The following WWP1 variants were observed in gnomAD, a reference collection of about 807,000 sequenced individuals.
WWP1 encodes the protein WW domain containing E3 ubiquitin protein ligase 1.
Under a neutral mutation model 130.6 loss-of-function variants are expected in WWP1, and 49 were observed. The ratio of observed to expected loss-of-function variants is 0.38; its 90% CI spans 0.30 to 0.48. The LOEUF (loss-of-function observed/expected upper bound fraction) is 0.48, where lower values mean the gene tolerates loss of function less well. Among genes scored for constraint, WWP1 ranks in the 20% least tolerant of loss-of-function variants. The probability of loss-of-function intolerance (pLI) is 0.99; values close to 1 mark genes in which losing one functional copy is unlikely to be tolerated. For missense variants in WWP1, 809 were observed against 1,100.6 expected (o/e 0.74, Z 3.75); for synonymous variants, 332 against 367.8 (o/e 0.90, Z 1.11).
intron 1 of WWP1, among the ~76,000 whole-genome samples, chr8:86,350,310 AT>A (rs1822839912): frequency 6.6e-6 from 1 of 152,174 alleles, no homozygotes. Context: ...AAGTAATGCC[AT>A]GGTTAAAGGT....
At chr8:86,356,631 T>A (rs1823275720) in intron 1 of WWP1, among the ~76,000 whole-genome samples, 1 of 152,072 alleles carries the variant, frequency 6.6e-6, no homozygotes, top group African/African-American at 2.4e-5. Context: ...GAAAGCCCTA[T>A]GTTTTTGTCT....
intron 8 of WWP1, among the ~76,000 whole-genome samples, chr8:86,407,360 G>A (rs1190299699): frequency 1.3e-5 from 2 of 152,102 alleles, no homozygotes; most frequent in Admixed American, 1.3e-4. Context: ...GGGCACATAG[G>A]TATCAGAGTT....
rs575507797 is a variant in WWP1, at chr8:86,388,922, T to C, written c.334+7293T>C. ...GCCAGTAGACTTCTCTTTTCTTATT[T>C]ATGACTTTTTGAAATAAAGATGACT... On this transcript the variant is annotated intron_variant, in intron 5 of 24. Transcript: ENST00000517970. Among the ~76,000 whole-genome samples the C allele has an allele frequency of 4.0e-4, 61 of 152,302 alleles. No individual in the cohort carries two copies. In the East Asian group the frequency reaches 9.5e-3, roughly 24 times the overall value.
At position 86,398,495 on chromosome 8, in the gene WWP1, A is replaced by T. The variant is rs1232860608; in HGVS notation, c.472+16A>T. ...TCTCCAACCAGTAAGCTAACTTTAT[A>T]TGTTTGTAAAATTTCAAGGAAAAAG... On this transcript the variant is annotated intron_variant, in intron 6 of 24. Coordinates refer to ENST00000517970, the MANE Select transcript of WWP1 (RefSeq NM_007013.4). 1.2e-6 allele frequency: 2 copies of T among 1,609,772 alleles called. No individual in the cohort carries two copies. Among genetic ancestry groups the T allele is most frequent in the African/African-American group, 1.3e-5 (1 of 74,586 alleles).
At chr8:86,349,434 G>A (rs893597423) in intron 1 of WWP1, among the ~76,000 whole-genome samples, 9 of 152,194 alleles carry the variant, frequency 5.9e-5, no homozygotes, top group African/African-American at 1.9e-4. Flanking sequence ...ACAAATGTGT[G>A]AATCCATTTG....
chr8:86,438,038 G>A (rs1810394680), intron 16 of WWP1, among the ~76,000 whole-genome samples: 2 of 152,158 alleles, frequency 1.3e-5, no homozygotes, highest in Non-Finnish European at 2.9e-5. Context: ...CTGACCTCGT[G>A]ATCCACCTGC....
chr8:86,376,188 G>T (rs1218322916), intron 3 of WWP1, among the ~76,000 whole-genome samples: 1 of 152,192 alleles, frequency 6.6e-6, no homozygotes, highest in Non-Finnish European at 1.5e-5. Context: ...TCAGTTTATT[G>T]TAACTTGCGT....
At chr8:86,343,176 G>A (rs1397769050) in intron 1 of WWP1, 2 of 202,446 alleles carry the variant, frequency 9.9e-6, no homozygotes, top group Non-Finnish European at 9.8e-6. Context: ...CTGTGCCAGT[G>A]ATCCTGGAGC....
At chr8:86,414,046 TG>T (rs2130580482) in intron 9 of WWP1, among the ~76,000 whole-genome samples, 1 of 152,340 alleles carries the variant, frequency 6.6e-6, no homozygotes, top group African/African-American at 2.4e-5. Flanking sequence ...TTATGATCTT[TG>T]TATTAGAATT....
intron 22 of WWP1, among the ~76,000 whole-genome samples, chr8:86,460,768 C>G (rs1417690475): frequency 6.9e-6 from 1 of 145,508 alleles, no homozygotes; most frequent in Non-Finnish European, 1.5e-5. Context: ...ATGACAAACC[C>G]TACAACCTCT....
chr8:86,448,329 T>C, intron 19 of WWP1, 44 bp from the exon 20 acceptor site: 1 of 1,586,418 alleles, frequency 6.3e-7, no homozygotes, highest in East Asian at 2.2e-5. Flanking sequence ...AAACCCATTT[T>C]GTTTCATTTT....
At position 86,361,995 on chromosome 8, in the gene WWP1, T is replaced by C. The variant is rs55760719; in HGVS notation, c.-114-6944T>C. Among the ~76,000 whole-genome samples, 655 of 129,422 alleles carry C rather than the reference T, an allele frequency of 5.1e-3. 3 individuals carry two copies. Among genetic ancestry groups the C allele is most frequent in the Admixed American group, 0.01 (129 of 12,730 alleles). The allele number at this position is 129,422 out of a possible 152,430, so 84.9% of individuals were successfully genotyped here. Reference sequence around the variant, plus strand: ...GTGTGTATATATATATATATATACATATATATACACACATATATATATACA... The same window carrying C: ...GTGTGTATATATATATATATATACACATATATACACACATATATATATACA... On this transcript the variant is annotated intron_variant, in intron 1 of 24. Transcript: ENST00000517970.
chr8:86,377,730 T>G (rs1436323185), intron 3 of WWP1, among the ~76,000 whole-genome samples: 2 of 152,150 alleles, frequency 1.3e-5, no homozygotes, highest in African/African-American at 4.8e-5. Flanking sequence ...ATATTTTAGA[T>G]TTTAGACTTT....
rs200611145 is a variant in WWP1, at chr8:86,427,392, TA to T, written c.1158-247del. The stretch of plus-strand genomic sequence containing the variant: ...TACACATGTATCCCAGAACTTAAAG[TA>T]AAATTAAAAAAAAAAGAAAATAAGC... On this transcript the variant is annotated intron_variant, in intron 10 of 24. Coordinates refer to ENST00000517970, the MANE Select transcript of WWP1 (RefSeq NM_007013.4). 3.1e-3 allele frequency among the ~76,000 whole-genome samples: 458 copies of T among 149,814 alleles called. 2 individuals are homozygous for T. The highest frequency in any genetic ancestry group is 0.011 in the African/African-American group (436 of 40,502).
At chr8:86,449,664 T>G (rs1811068034) in intron 20 of WWP1, among the ~76,000 whole-genome samples, 1 of 152,224 alleles carries the variant, frequency 6.6e-6, no homozygotes, top group Non-Finnish European at 1.5e-5. Context: ...AATCAAACTT[T>G]TCATTTTTCC....
intron 1 of WWP1, among the ~76,000 whole-genome samples, chr8:86,360,558 T>C (rs1382484870): frequency 1.3e-5 from 2 of 152,228 alleles, no homozygotes. Context: ...GCTTTCAGTT[T>C]ACTCTCAAGC....
At chr8:86,464,611 G>T (rs542366039) in intron 24 of WWP1, among the ~76,000 whole-genome samples, 1 of 152,068 alleles carries the variant, frequency 6.6e-6, no homozygotes, top group African/African-American at 2.4e-5. Context: ...AACCTCCTGG[G>T]TTCAAGCAAT....
At chr8:86,365,509 G>A (rs1043109923) in intron 1 of WWP1, among the ~76,000 whole-genome samples, 2 of 152,154 alleles carry the variant, frequency 1.3e-5, no homozygotes, top group Non-Finnish European at 2.9e-5. Context: ...GGTAGATATT[G>A]CAAGTACTCT....
chr8:86,462,292 A>C lies in WWP1; in HGVS notation c.2669+446A>C, dbSNP rs28714168. Among the ~76,000 whole-genome samples the C allele has an allele frequency of 8.5e-3, 1,294 of 152,290 alleles. 20 individuals are homozygous for C. Among genetic ancestry groups the C allele is most frequent in the African/African-American group, 0.029 (1,207 of 41,556 alleles). On this transcript the variant is annotated intron_variant, in intron 24 of 24. Transcript: ENST00000517970. The stretch of plus-strand genomic sequence containing the variant: ...ATTTCTTGGAAGGGGTAATTTGTTT[A>C]AATTGTGTTTGGTAAAGAGCATGAT...
Sources: gnomAD v4.1 joint callset for allele counts (sites outside exome capture counted in the v4.1 genomes callset) on GRCh38, gnomAD v4.1.1 for gene constraint, MANE v1.5 for transcripts, NCBI Gene and HGNC (gene_info 2026-07-23, HGNC 2026-07-21) for gene names.